The following NALF1 variants were observed in gnomAD, a reference collection of about 807,000 sequenced individuals.
NALF1 encodes the protein family with sequence similarity 155 member A.
In NALF1, 3 loss-of-function variants were observed where a neutral mutation model predicts 48.4. That is an observed-to-expected ratio of 0.06 (90% CI 0.03 to 0.16). The LOEUF (loss-of-function observed/expected upper bound fraction) is 0.16, where lower values mean the gene tolerates loss of function less well. Ranked by LOEUF, NALF1 falls within the 10% of genes least tolerant of loss-of-function variation. NALF1 has a pLI of 1.00. For missense variants in NALF1, 526 were observed against 571.5 expected (o/e 0.92, Z 0.81); for synonymous variants, 262 against 245.7 (o/e 1.07, Z -0.62).
At chr13:107,670,434 G>C (rs1880964025) in intron 1 of NALF1, among the ~76,000 whole-genome samples, 1 of 152,096 alleles carries the variant, frequency 6.6e-6, no homozygotes, top group East Asian at 1.9e-4. Flanking sequence ...CTAGAGTTCA[G>C]TCCCCCTTTC....
At chr13:107,623,204 T>C (rs1292691219) in intron 1 of NALF1, among the ~76,000 whole-genome samples, 1 of 152,184 alleles carries the variant, frequency 6.6e-6, no homozygotes, top group African/African-American at 2.4e-5. Context: ...AATTTTCAAG[T>C]TCTTATTAAT....
chr13:107,866,142 C>T lies in NALF1; in HGVS notation c.455G>A (p.Arg152Gln), dbSNP rs2138654379. ...GTTTCCTAGAAAAAGAGCCTTGCCC[C>T]GGTCGTCTTTGCCTCGGTTGCCCTT... is the stretch of plus-strand genomic sequence containing the variant. The part of the protein sequence containing the change: ...GGKGNRGKDD[R>Q]GKALFLGNSA... Residue 152 changes from arginine to glutamine, a missense_variant, in exon 1 of 3, where the codon CGG (arginine) becomes CAG (glutamine). This residue lies in a region of NALF1 where 373 missense variants were observed against 355.5 expected (regional missense o/e 1.05). Coordinates refer to ENST00000375915, the MANE Select transcript of NALF1 (RefSeq NM_001080396.3). This position sits in a 1 kb window ranked among gnomAD's most constrained non-coding sequence, Gnocchi z 4.4. 2 of 1,611,164 alleles carry T rather than the reference C, an allele frequency of 1.2e-6. No individual in the cohort carries two copies. Among genetic ancestry groups the T allele is most frequent in the Non-Finnish European group, 1.7e-6 (2 of 1,179,254 alleles).
chr13:107,347,567 C>T (rs896226113), intron 1 of NALF1, among the ~76,000 whole-genome samples: 7 of 152,168 alleles, frequency 4.6e-5, no homozygotes, highest in Middle Eastern at 3.2e-3. Flanking sequence ...TTCTCTTTCA[C>T]GGGCAGTCTA....
At chr13:107,359,086 G>T (rs1883015966) in intron 1 of NALF1, among the ~76,000 whole-genome samples, 1 of 152,050 alleles carries the variant, frequency 6.6e-6, no homozygotes, top group Non-Finnish European at 1.5e-5. Context: ...CTCAAAACAT[G>T]CTTTGAACAT....
intron 1 of NALF1, among the ~76,000 whole-genome samples, chr13:107,453,762 GT>G (rs1884781196): frequency 6.6e-6 from 1 of 152,140 alleles, no homozygotes; most frequent in South Asian, 2.1e-4. Context: ...AAACTTTTAT[GT>G]TCTGCTCCCC....
chr13:107,203,312 G>C (rs1193663563), intron 2 of NALF1, among the ~76,000 whole-genome samples: 1 of 152,164 alleles, frequency 6.6e-6, no homozygotes, highest in Non-Finnish European at 1.5e-5. Context: ...TGAATGCAGG[G>C]AAACCTTTGT....
chr13:107,392,999 A>C (rs2138984557), intron 1 of NALF1, among the ~76,000 whole-genome samples: 1 of 152,228 alleles, frequency 6.6e-6, no homozygotes, highest in South Asian at 2.1e-4. Flanking sequence ...GGTATGGACA[A>C]TGCTAAGGAG....
intron 1 of NALF1, among the ~76,000 whole-genome samples, chr13:107,411,753 G>C (rs989899922): frequency 1.3e-5 from 2 of 152,178 alleles, no homozygotes; most frequent in African/African-American, 4.8e-5. Context: ...TACTGAACTG[G>C]AATAAGTGGG....
chr13:107,368,174 C>G (rs1383939331), intron 1 of NALF1, among the ~76,000 whole-genome samples: 2 of 152,118 alleles, frequency 1.3e-5, no homozygotes, highest in Admixed American at 1.3e-4. Context: ...TTGCCCCATA[C>G]TAAAAGTTAT....
chr13:107,285,599 T>C (rs1001942311), intron 1 of NALF1, among the ~76,000 whole-genome samples: 12 of 152,194 alleles, frequency 7.9e-5, no homozygotes, highest in Admixed American at 3.3e-4. Flanking sequence ...GTATAGGTAA[T>C]AGATACCATG....
intron 1 of NALF1, among the ~76,000 whole-genome samples, chr13:107,292,371 T>A (rs996045109): frequency 2.6e-5 from 4 of 152,214 alleles, no homozygotes; most frequent in African/African-American, 7.2e-5. Context: ...CTAATTTTTT[T>A]AAACTTTTTT....
At position 107,639,191 on chromosome 13, in the gene NALF1, C is replaced by G. The variant is rs1880078056; in HGVS notation, c.915+226491G>C. ...AATGGAATCCTTCTAATCCATCCTC[C>G]ATGGCAGCTCAACTGACTTGCAAGG... On this transcript the variant is annotated intron_variant, in intron 1 of 2. Coordinates refer to ENST00000375915, the MANE Select transcript of NALF1 (RefSeq NM_001080396.3). Among the ~76,000 whole-genome samples the G allele has an allele frequency of 2.0e-5, 3 of 152,142 alleles. No homozygotes were observed. In the South Asian group the frequency reaches 6.2e-4, roughly 32 times the overall value.
Position 107,209,809 on chromosome 13 carries a change from T to C in NALF1, c.1087+775A>G, listed in dbSNP as rs138029214. On this transcript the variant is annotated intron_variant, in intron 2 of 2. Coordinates refer to ENST00000375915, the MANE Select transcript of NALF1 (RefSeq NM_001080396.3). ...GTAATTCCAGGGACGCCTTATAGCA[T>C]TATTGTTATAGAAGAGAATGCAGAG... Among the ~76,000 whole-genome samples, 535 of 152,238 alleles carry C rather than the reference T, an allele frequency of 3.5e-3. 2 individuals are homozygous for C. The highest frequency in any genetic ancestry group is 0.012 in the African/African-American group (501 of 41,538).
intron 1 of NALF1, among the ~76,000 whole-genome samples, chr13:107,530,748 A>C (rs1218244302): frequency 7.2e-5 from 11 of 152,134 alleles, no homozygotes; most frequent in Non-Finnish European, 1.5e-4. Context: ...ATGTAAGCTG[A>C]AATCTGTCCA....
chr13:107,513,133 T>C (rs1231560879), intron 1 of NALF1, among the ~76,000 whole-genome samples: 3 of 152,126 alleles, frequency 2.0e-5, no homozygotes, highest in African/African-American at 7.2e-5. Flanking sequence ...GATTCGAAAA[T>C]AAGACAACAT....
intron 1 of NALF1, among the ~76,000 whole-genome samples, chr13:107,782,474 C>T (rs1594262756): frequency 6.6e-6 from 1 of 152,046 alleles, no homozygotes; most frequent in African/African-American, 2.4e-5. Flanking sequence ...CCGGCCGCCA[C>T]CCCGTCTAGG....
intron 1 of NALF1, among the ~76,000 whole-genome samples, chr13:107,730,858 C>T (rs7317542): frequency 6.6e-6 from 1 of 152,038 alleles, no homozygotes; most frequent in Non-Finnish European, 1.5e-5. Context: ...CAGCATATGC[C>T]GAAATCCCTG....
At chr13:107,830,030 T>C (rs1879666925) in intron 1 of NALF1, among the ~76,000 whole-genome samples, 1 of 152,164 alleles carries the variant, frequency 6.6e-6, no homozygotes, top group Non-Finnish European at 1.5e-5. Context: ...GAAGATTACC[T>C]TTTTATAACC....
At chr13:107,341,321 A>C (rs1882676502) in intron 1 of NALF1, among the ~76,000 whole-genome samples, 1 of 152,134 alleles carries the variant, frequency 6.6e-6, no homozygotes, top group Non-Finnish European at 1.5e-5. Context: ...AGGCACAATA[A>C]GCACAGTTAG....
Sources: gnomAD v4.1 joint callset for allele counts (sites outside exome capture counted in the v4.1 genomes callset) on GRCh38, gnomAD v4.1.1 for gene constraint, gnomAD v4.1.1 regional missense constraint, Gnocchi (gnomAD v3.1) non-coding constraint, MANE v1.5 for transcripts, NCBI Gene and HGNC (gene_info 2026-07-23, HGNC 2026-07-21) for gene names.